PIEZO1: variants seen among roughly 807,000 people sequenced by gnomAD.
PIEZO1 encodes piezo-type mechanosensitive ion channel component 1.
PIEZO1 carries 296 observed loss-of-function variants against 297.2 expected under a neutral mutation model. The observed-to-expected ratio is 1.00, with a 90% CI of 0.91 to 1.10. PIEZO1 has a LOEUF of 1.10. Among genes scored for constraint, PIEZO1 ranks in the 50% least tolerant of loss-of-function variants. PIEZO1 has a pLI of 0.00. For missense variants in PIEZO1, 5,018 were observed against 3,455.5 expected (o/e 1.45, Z -11.34); for synonymous variants, 2,427 against 1,507.5 (o/e 1.61, Z -14.13).
intron 1 of PIEZO1, among the ~76,000 whole-genome samples, chr16:88,750,477 C>T (rs1432863742): frequency 6.6e-6 from 1 of 152,266 alleles, no homozygotes; most frequent in Admixed American, 6.5e-5. Flanking sequence ...AGCCCCCACA[C>T]CATGTCCCGT....
rs1330119072 is a variant in PIEZO1 at position 88,721,472 on chromosome 16, G to A, written c.5404-42C>T. 10 of 1,539,052 alleles carry A rather than the reference G, an allele frequency of 6.5e-6. No individual in the cohort carries two copies. The African/African-American group carries it at 1.1e-4, about 17-fold the overall frequency. On this transcript the variant is annotated intron_variant, in intron 38 of 50. Transcript: ENST00000301015. ...TGTGGTGAGGGGGCCTTGCCTCCCT[G>A]GTGGAGAGCACAGGTGCCCAGAGGG... is the stretch of plus-strand genomic sequence containing the variant.
In PIEZO1 at chr16:88,726,243, C is replaced by A. The variant is rs778189094; in HGVS notation, c.3968+41G>T. On this transcript the variant is annotated intron_variant, in intron 27 of 50. Coordinates refer to ENST00000301015, the MANE Select transcript of PIEZO1 (RefSeq NM_001142864.4). ...AACCTCCCATTGCCCCCTCCCAGCC[C>A]CAAGACGGGAGCTCTGGGCTGTGTC... The A allele has an allele frequency of 2.7e-6, 4 of 1,505,418 alleles. No homozygotes were observed. The African/African-American group carries it at 5.6e-5, about 21-fold the overall frequency. The allele number at this position is 1,505,418 out of a possible 1,614,324, so 93.3% of individuals were successfully genotyped here.
rs1056798384 is a variant in PIEZO1 at position 88,741,615 on chromosome 16, G to C, written c.328C>G (p.Leu110Val). ...TLSRHIGVTR[L>V]DLKDIPNAIR... The stretch of plus-strand genomic sequence containing the variant: ...GCGTTGGGGATGTCCTTCAGGTCCA[G>C]CCTGCGGAGAGCAGGGAGCAGCCGC... Residue 110 changes from leucine to valine, a missense_variant and splice_region_variant, in exon 5 of 51, where the codon CTG (leucine) becomes GTG (valine). Leu to Val is a conservative substitution (Grantham distance 32). Transcript: ENST00000301015. The C allele has an allele frequency of 3.9e-6, 6 of 1,534,376 alleles. No individual in the cohort carries two copies. The African/African-American group carries it at 8.2e-5, about 21-fold the overall frequency.
chr16:88,747,573 G>C (rs988399490), intron 2 of PIEZO1, among the ~76,000 whole-genome samples: 1 of 152,212 alleles, frequency 6.6e-6, no homozygotes, highest in African/African-American at 2.4e-5. Flanking sequence ...GCTAGGAGGA[G>C]CCTCTGGGAT....
intron 22 of PIEZO1, 145 bp downstream of exon 22, chr16:88,731,561 A>G (rs1904809052): frequency 6.4e-6 from 4 of 621,810 alleles, no homozygotes; most frequent in South Asian, 2.0e-5. Context: ...GCGCCTGGGT[A>G]GGATGTGGAG....
intron 1 of PIEZO1, among the ~76,000 whole-genome samples, chr16:88,767,584 T>A (rs755398438): frequency 7.2e-5 from 11 of 152,258 alleles, no homozygotes; most frequent in Non-Finnish European, 1.2e-4. Flanking sequence ...CATACCATCA[T>A]ACACTTGGCC....
chr16:88,736,194 A>G lies in PIEZO1; in HGVS notation c.1511T>C (p.Leu504Pro). 6.5e-7 allele frequency: 1 copy of G among 1,549,366 alleles called. No homozygotes were observed. The highest frequency in any genetic ancestry group is 8.7e-7 in the Non-Finnish European group (1 of 1,146,586). ...GGGGTAGCGGGTGTGCTCCAGCCCC[A>G]GCTGGCGCAGGCTGACGGGGCCCAG... is the stretch of plus-strand genomic sequence containing the variant. Reference protein sequence around the residue: ...TTLGPVSLRQLGLEHTRYPCL... With the variant: ...TTLGPVSLRQPGLEHTRYPCL... Residue 504 changes from leucine to proline, a missense_variant, in exon 12 of 51, where the codon CTG becomes CCG. Transcript: ENST00000301015.
In PIEZO1 at chr16:88,725,004, G is replaced by T; in HGVS notation, c.4234+5C>A. 1 of 1,468,892 alleles carries T rather than the reference G, an allele frequency of 6.8e-7. No homozygotes were observed. The highest frequency in any genetic ancestry group is 2.8e-5 in the East Asian group (1 of 35,558). 91.0% of individuals were successfully genotyped at this position (1,468,892 alleles called of 1,614,324 possible). A position where few individuals can be genotyped will look rare whatever the true frequency, so the allele number is the denominator to read the frequency against. ...GGTGGCCACAGGCGGCCTAATTGGG[G>T]GTACCTGTGGCGTGGTCCAGCCAGG... On this transcript the variant is annotated splice_donor_5th_base_variant and intron_variant, in intron 30 of 50. Transcript: ENST00000301015.
At chr16:88,733,484 T>A (rs1375021632) in intron 18 of PIEZO1, 30 bp from the exon 19 acceptor site, 3 of 1,538,722 alleles carry the variant, frequency 1.9e-6, no homozygotes, top group Non-Finnish European at 2.6e-6. Flanking sequence ...GGGGCTGGGC[T>A]TGGGGAGGGC....
At chr16:88,724,098 G>C (rs1037799407) in intron 30 of PIEZO1, 127 bp from the exon 31 acceptor site, 2 of 644,666 alleles carry the variant, frequency 3.1e-6, no homozygotes, top group African/African-American at 3.6e-5. Context: ...AGCAGTGCAG[G>C]CACAAGACAC....
intron 6 of PIEZO1, 51 bp from the exon 7 acceptor site, chr16:88,738,491 G>C (rs534147613): frequency 6.6e-7 from 1 of 1,520,998 alleles, no homozygotes; most frequent in Non-Finnish European, 8.8e-7. Context: ...CATGTGTCCC[G>C]CTGTCTCCAC....
rs575029658 is a variant in PIEZO1, at chr16:88,733,653, G to A, written c.2422C>T (p.Arg808Trp). Residue 808 changes from arginine (R) to tryptophan (W), a missense_variant, in exon 18 of 51, where the codon CGG becomes TGG. By Grantham distance (101) the Arg-to-Trp change is moderately radical. Transcript: ENST00000301015. ...TTGAAAACGTGAAGCTCCAGCAGCC[G>A]CCGCAGGAACACCTGCACGCGTGAG... is the stretch of plus-strand genomic sequence containing the variant. ...VLSRVQVFLRRLLELHVFKLV... is the reference protein window; with the variant it reads ...VLSRVQVFLRWLLELHVFKLV... The A allele has an allele frequency of 2.1e-5, 32 of 1,549,746 alleles. No homozygotes were observed. Among genetic ancestry groups the A allele is most frequent in the African/African-American group, 6.8e-5 (5 of 73,170 alleles).
At chr16:88,757,103 G>C (rs1597477337) in intron 1 of PIEZO1, among the ~76,000 whole-genome samples, 2 of 152,244 alleles carry the variant, frequency 1.3e-5, no homozygotes, top group East Asian at 3.9e-4. Flanking sequence ...GGTGGCTGGG[G>C]AGCCGCACTG....
In PIEZO1 at chr16:88,731,733, G is replaced by A. The variant is rs1210840381; in HGVS notation, c.3169C>T (p.Leu1057=). ...ATGCACAGGGCCGGGGGCATCCCCA[G>A]GCACAGCAGGTACTGGTACAGCAGG... ...LFLLYQYLLC[L]GMPPALCIDY... The change falls in exon 22 of 51, where the codon CTG becomes TTG. Residue 1057 remains leucine, a synonymous_variant. Transcript: ENST00000301015. The A allele has an allele frequency of 1.9e-6, 3 of 1,549,826 alleles. No homozygotes were observed. The highest frequency in any genetic ancestry group is 1.2e-5 in the South Asian group (1 of 84,036).
At position 88,771,514 on chromosome 16, in the gene PIEZO1, C is replaced by T. The variant is rs532696882; in HGVS notation, c.64+13387G>A. Among the ~76,000 whole-genome samples, 48 of 152,362 alleles carry T rather than the reference C, an allele frequency of 3.2e-4. No individual in the cohort carries two copies. The South Asian group carries it at 7.9e-3, about 25-fold the overall frequency. On this transcript the variant is annotated intron_variant, in intron 1 of 50. Transcript: ENST00000301015. ...TGGGGGCTCGGCTCCCCACGGCTCA[C>T]GCAGCTGCTGGGCTCAGGGGCCACA...
chr16:88,729,738 C>T (rs111407583), intron 22 of PIEZO1, among the ~76,000 whole-genome samples: 10 of 124,526 alleles, frequency 8.0e-5, no homozygotes, highest in East Asian at 3.7e-4. Context: ...GGGAACCTCG[C>T]GACACAAAAA....
chr16:88,768,613 G>A lies in PIEZO1; in HGVS notation c.64+16288C>T, dbSNP rs534149606. The stretch of plus-strand genomic sequence containing the variant: ...GTTGTGGGCGGGGGCTCCCTAGTCC[G>A]TGGGGCAGGAGCTCGTCCACAGGGC... On this transcript the variant is annotated intron_variant, in intron 1 of 50. Coordinates refer to ENST00000301015, the MANE Select transcript of PIEZO1 (RefSeq NM_001142864.4). Among the ~76,000 whole-genome samples, 317 of 152,344 alleles carry A rather than the reference G, an allele frequency of 2.1e-3. 4 individuals are homozygous for A. Among genetic ancestry groups the A allele is most frequent in the East Asian group, 1.9e-3 (10 of 5,192 alleles).
rs1001096609 is a variant in PIEZO1, at chr16:88,735,241, G to C, written c.1563C>G (p.Leu521=). The C allele has an allele frequency of 1.3e-6, 2 of 1,548,960 alleles. No homozygotes were observed. The highest frequency in any genetic ancestry group is 1.4e-5 in the African/African-American group (1 of 73,162). The change falls in exon 13 of 51, where the codon CTC becomes CTG. Residue 521 remains leucine, a synonymous_variant. Coordinates refer to ENST00000301015, the MANE Select transcript of PIEZO1 (RefSeq NM_001142864.4). ...GCAGGAGCCAGAAGGTCAGGGTGTA[G>C]AGCAACTGTGACAAGCGCAGGGTGT... The part of the protein sequence containing the change: ...YPCLDLGAML[L]YTLTFWLLLR...
intron 2 of PIEZO1, chr16:88,743,252 C>T (rs1158872446): frequency 2.2e-6 from 1 of 456,456 alleles, no homozygotes; most frequent in Non-Finnish European, 4.4e-6. Context: ...CCTCTGCTCT[C>T]GGCGCACATG....
Sources: gnomAD v4.1 joint callset for allele counts (sites outside exome capture counted in the v4.1 genomes callset) on GRCh38, gnomAD v4.1.1 for gene constraint, MANE v1.5 for transcripts, NCBI Gene and HGNC (gene_info 2026-07-23, HGNC 2026-07-21) for gene names.